Variants in SKI observed in about 807,000 individuals in gnomAD.
SKI encodes SKI proto-oncogene.
Under a neutral mutation model 59.3 loss-of-function variants are expected in SKI, and 23 were observed. That is an observed-to-expected ratio of 0.39 (90% CI 0.28 to 0.55). SKI has a LOEUF of 0.55. Ranked by LOEUF, SKI falls within the 20% of genes least tolerant of loss-of-function variation. SKI has a pLI of 0.67. For synonymous variants in SKI, 673 were observed against 488.6 expected (o/e 1.38, Z -4.98); for missense variants, 1,017 against 1,038.9 (o/e 0.98, Z 0.29).
chr1:2,289,514 G>T (rs925457064), intron 1 of SKI, among the ~76,000 whole-genome samples: 1 of 142,414 alleles, frequency 7.0e-6, no homozygotes, highest in Non-Finnish European at 1.5e-5. Flanking sequence ...GGGGGGTGCA[G>T]GGCAGGGCAG....
In SKI at chr1:2,245,711, T is replaced by C. The variant is rs184311029; in HGVS notation, c.969+15976T>C. ...GGCTAATCTTGAATTCTTGACCTTA[T>C]GTGACCTGCCCGCCTTGGCCTCCTA... On this transcript the variant is annotated intron_variant, in intron 1 of 6. Transcript: ENST00000378536. 1.8e-3 allele frequency among the ~76,000 whole-genome samples: 276 copies of C among 151,774 alleles called. 2 individuals carry two copies. The highest frequency in any genetic ancestry group is 6.3e-3 in the African/African-American group (262 of 41,370).
chr1:2,295,568 T>C (rs985759643), intron 1 of SKI, among the ~76,000 whole-genome samples: 3 of 152,194 alleles, frequency 2.0e-5, no homozygotes, highest in Non-Finnish European at 4.4e-5. Flanking sequence ...CAGCCAGCAC[T>C]GATCTTGGCC....
At chr1:2,239,566 G>C (rs560520496) in intron 1 of SKI, among the ~76,000 whole-genome samples, 2 of 152,242 alleles carry the variant, frequency 1.3e-5, no homozygotes, top group Non-Finnish European at 2.9e-5. Flanking sequence ...AGTCAGGAAG[G>C]GTTTCAACCT....
intron 1 of SKI, among the ~76,000 whole-genome samples, chr1:2,236,685 A>G (rs570129239): frequency 7.2e-5 from 11 of 152,308 alleles, no homozygotes; most frequent in Non-Finnish European, 1.3e-4. Flanking sequence ...GATTACAGGC[A>G]TGAGCCATTG....
At chr1:2,251,646 G>A (rs922748800) in intron 1 of SKI, among the ~76,000 whole-genome samples, 12 of 152,222 alleles carry the variant, frequency 7.9e-5, no homozygotes, top group Non-Finnish European at 1.6e-4. Flanking sequence ...CAGCATCTGG[G>A]GGGGCTGGCG....
In SKI at chr1:2,229,642, G is replaced by T. The variant is rs746196973; in HGVS notation, c.876G>T (p.Thr292=). The T allele has an allele frequency of 6.2e-7, 1 of 1,612,306 alleles. No homozygotes were observed. The highest frequency in any genetic ancestry group is 1.1e-5 in the South Asian group (1 of 90,994). The change falls in exon 1 of 7, where the codon ACG becomes ACT. Residue 292 remains threonine (T), a synonymous_variant. Coordinates refer to ENST00000378536, the MANE Select transcript of SKI (RefSeq NM_003036.4). The surrounding 1 kb of genome is among the most constrained non-coding windows in gnomAD (Gnocchi z 6.3). ...RAYILLSQDY[T]GKEEQARLGR... ...ACATCCTGCTGAGCCAGGATTACACGGGCAAGGAGGAGCAGGCGCGCCTCG... is the reference window on the plus strand; with the variant it reads ...ACATCCTGCTGAGCCAGGATTACACTGGCAAGGAGGAGCAGGCGCGCCTCG...
rs1325703740 is a variant in SKI at position 2,269,020 on chromosome 1, T to TG, written c.970-33957dup. On this transcript the variant is annotated intron_variant, in intron 1 of 6. Coordinates refer to ENST00000378536, the MANE Select transcript of SKI (RefSeq NM_003036.4). This position sits in a 1 kb window ranked among gnomAD's most constrained non-coding sequence, Gnocchi z 4.7. Reference sequence around the variant, plus strand: ...AGGCTGGAGTGCAGCAGCACAGTCTTGCGGCCTCAACCTTGTTGGTTCAAG... The same window carrying TG: ...AGGCTGGAGTGCAGCAGCACAGTCTTGGCGGCCTCAACCTTGTTGGTTCAAG... 6.6e-6 allele frequency among the ~76,000 whole-genome samples: 1 copy of TG among 152,130 alleles called. No individual in the cohort carries two copies. Among genetic ancestry groups the TG allele is most frequent in the Non-Finnish European group, 1.5e-5 (1 of 68,020 alleles).
At chr1:2,274,498 C>T (rs1053791297) in intron 1 of SKI, among the ~76,000 whole-genome samples, 8 of 152,184 alleles carry the variant, frequency 5.3e-5, no homozygotes, top group East Asian at 1.9e-4. Flanking sequence ...GTGTCCTGGT[C>T]GTGGCCGCGT....
chr1:2,295,710 CGTGTGG>C, intron 1 of SKI, among the ~76,000 whole-genome samples: 1 of 68,188 alleles, frequency 1.5e-5, no homozygotes, highest in Non-Finnish European at 2.7e-5. Flanking sequence ...GTCCGGGCCA[CGTGTGG>C]CTATGTGTCC....
Position 2,283,044 on chromosome 1 carries a change from C to T in SKI, c.970-19934C>T, listed in dbSNP as rs550166805. On this transcript the variant is annotated intron_variant, in intron 1 of 6. Coordinates refer to ENST00000378536, the MANE Select transcript of SKI (RefSeq NM_003036.4). ...CCAGCAGCTCCTGTGGCTGTGGGGG[C>T]GCAGGCATCTTGGCTGACTAGGGAG... Among the ~76,000 whole-genome samples the T allele has an allele frequency of 7.5e-3, 1,135 of 152,302 alleles. 21 individuals are homozygous for T. The highest frequency in any genetic ancestry group is 0.026 in the African/African-American group (1,079 of 41,554).
In SKI at chr1:2,310,166, C is replaced by G. The variant is rs1338442928; in HGVS notation, c.*3401C>G. ...TTCGCTGTGTACCTGTTAGTCCTTC[C>G]CCGACCCCGAAACAGATGACATTGT... is the stretch of plus-strand genomic sequence containing the variant. On this transcript the variant is annotated 3_prime_UTR_variant, in exon 7 of 7. Coordinates refer to ENST00000378536, the MANE Select transcript of SKI (RefSeq NM_003036.4). 6.6e-6 allele frequency: 1 copy of G among 152,034 alleles called. No individual in the cohort carries two copies. Among genetic ancestry groups the G allele is most frequent in the African/African-American group, 2.4e-5 (1 of 41,382 alleles). 9.4% of individuals were successfully genotyped at this position (152,034 alleles called of 1,614,324 possible).
At chr1:2,238,499 G>A (rs1490043378) in intron 1 of SKI, among the ~76,000 whole-genome samples, 1 of 152,240 alleles carries the variant, frequency 6.6e-6, no homozygotes, top group African/African-American at 2.4e-5. Flanking sequence ...CTGAGGATGG[G>A]GGCCGGGCAC....
At chr1:2,288,712 T>A (rs1640098479) in intron 1 of SKI, among the ~76,000 whole-genome samples, 1 of 152,086 alleles carries the variant, frequency 6.6e-6, no homozygotes, top group Non-Finnish European at 1.5e-5. Context: ...CCTCCACACA[T>A]GGATGAAACT....
intron 1 of SKI, among the ~76,000 whole-genome samples, chr1:2,280,390 T>C (rs1466930963): frequency 6.9e-6 from 1 of 145,392 alleles, no homozygotes; most frequent in Non-Finnish European, 1.5e-5. Flanking sequence ...AAAAAAAAAG[T>C]CTGACCACAG....
rs1352164353 is a variant in SKI at position 2,232,686 on chromosome 1, G to A, written c.969+2951G>A. The stretch of plus-strand genomic sequence containing the variant: ...GGGTGCTTGGCGAGTCTCCTCTTAG[G>A]GACCCTGGGGCTGCTATCCTTGACA... On this transcript the variant is annotated intron_variant, in intron 1 of 6. Transcript: ENST00000378536. The A allele has an allele frequency of 3.3e-5, 5 of 152,422 alleles. No homozygotes were observed. In the East Asian group the frequency reaches 9.6e-4, roughly 29 times the overall value. The allele number at this position is 152,422 out of a possible 1,614,324, so 9.4% of individuals were successfully genotyped here. A position where few individuals can be genotyped will look rare whatever the true frequency, so the allele number is the denominator to read the frequency against.
intron 1 of SKI, among the ~76,000 whole-genome samples, chr1:2,296,236 A>C (rs56117572): frequency 0.058 from 8,761 of 152,064 alleles, 328 homozygotes; most frequent in South Asian, 0.1. Context: ...AAAAAAAAAA[A>C]AACAAAAAAT....
chr1:2,232,181 G>T (rs1318192184), intron 1 of SKI, among the ~76,000 whole-genome samples: 1 of 152,254 alleles, frequency 6.6e-6, no homozygotes, highest in Non-Finnish European at 1.5e-5. Flanking sequence ...CACTTCCTTT[G>T]TAGCTTATTT....
At chr1:2,305,996 C>G (rs1053122436) in intron 5 of SKI, 24 bp from the exon 6 acceptor site, 8 of 1,539,916 alleles carry the variant, frequency 5.2e-6, no homozygotes, top group Non-Finnish European at 7.0e-6. Context: ...TGGGCAGTGA[C>G]CCCGAGCCGC....
rs569349614 is a variant in SKI, at chr1:2,287,438, G to A, written c.970-15540G>A. Among the ~76,000 whole-genome samples, 11 of 150,936 alleles carry A rather than the reference G, an allele frequency of 7.3e-5. No individual in the cohort carries two copies. In the South Asian group the frequency reaches 8.4e-4, roughly 11 times the overall value. ...TGCAAGCTCCGCCTCCCGGGTTCAC[G>A]CCATTCTCCTGCCTCAGCCTCCCGA... On this transcript the variant is annotated intron_variant, in intron 1 of 6. Transcript: ENST00000378536.
Sources: gnomAD v4.1 joint callset for allele counts (sites outside exome capture counted in the v4.1 genomes callset) on GRCh38, gnomAD v4.1.1 for gene constraint, Gnocchi (gnomAD v3.1) non-coding constraint, MANE v1.5 for transcripts, NCBI Gene and HGNC (gene_info 2026-07-23, HGNC 2026-07-21) for gene names.